The following BICD1 variants were observed in gnomAD, a reference collection of about 807,000 sequenced individuals.
BICD1 encodes protein bicaudal D homolog 1.
In BICD1, 35 loss-of-function variants were observed where a neutral mutation model predicts 92.5. The ratio of observed to expected loss-of-function variants is 0.38; its 90% confidence interval spans 0.29 to 0.50. BICD1 has a LOEUF of 0.50. Ranked by LOEUF, BICD1 falls within the 20% of genes least tolerant of loss-of-function variation. BICD1 has a pLI of 0.93. For synonymous variants in BICD1, 429 were observed against 465.1 expected, an observed-to-expected ratio of 0.92 and a Z score of 1.00; for missense variants, 950 against 1,189.8, an observed-to-expected ratio of 0.80 and a Z score of 2.97.
intron 1 of BICD1, among the ~76,000 whole-genome samples, chr12:32,202,858 G>A (rs771706308): frequency 4.6e-5 from 7 of 152,112 alleles, no homozygotes; most frequent in African/African-American, 1.4e-4. Context: ...AGATCTGCCC[G>A]CCTCAGCCTC....
At chr12:32,124,480 A>G (rs1308178301) in intron 1 of BICD1, among the ~76,000 whole-genome samples, 9 of 152,218 alleles carry the variant, frequency 5.9e-5, no homozygotes, top group Non-Finnish European at 7.3e-5. Context: ...ATAAGTGGTA[A>G]GGAAAAATGC....
rs1045099579 is a variant in BICD1 at position 32,275,899 on chromosome 12, G to A, written c.427-18095G>A. Among the ~76,000 whole-genome samples, 4 of 152,002 alleles carry A rather than the reference G, an allele frequency of 2.6e-5. No individual in the cohort carries two copies. The South Asian group carries it at 6.2e-4, about 24-fold the overall frequency. ...GACCCACAGCTTCTAATAGCTCATC[G>A]CATGGCCCAAGATTCCATTCCTTGG... On this transcript the variant is annotated intron_variant, in intron 2 of 9. Transcript: ENST00000652176.
intron 2 of BICD1, among the ~76,000 whole-genome samples, chr12:32,260,090 AATTTTTGT>A (rs55680806): frequency 0.051 from 7,780 of 151,396 alleles, 224 homozygotes; most frequent in Middle Eastern, 0.11. Context: ...ACGCCCAGCT[AATTTTTGT>A]ATTTTTAGTA....
chr12:32,251,859 T>C (rs1946529274), intron 2 of BICD1, among the ~76,000 whole-genome samples: 1 of 150,048 alleles, frequency 6.7e-6, no homozygotes, highest in South Asian at 2.1e-4. Context: ...CTTTTTAAAT[T>C]GCCTTCTCAA....
At chr12:32,183,948 G>A (rs1944354461) in intron 1 of BICD1, among the ~76,000 whole-genome samples, 1 of 152,194 alleles carries the variant, frequency 6.6e-6, no homozygotes, top group Non-Finnish European at 1.5e-5. Flanking sequence ...AGTTGCCATT[G>A]TCTAGTCCAG....
intron 2 of BICD1, among the ~76,000 whole-genome samples, chr12:32,276,994 C>T (rs756522934): frequency 6.6e-6 from 1 of 152,134 alleles, no homozygotes; most frequent in Non-Finnish European, 1.5e-5. Context: ...TGGACGTCCC[C>T]CCCTACTTTT....
intron 4 of BICD1, among the ~76,000 whole-genome samples, chr12:32,324,668 C>T (rs1221567626): frequency 1.3e-5 from 2 of 152,068 alleles, no homozygotes; most frequent in Admixed American, 6.6e-5. Context: ...CTCCATCCCC[C>T]GGGTTCAGGC....
intron 5 of BICD1, chr12:32,333,239 T>C: frequency 1.0e-6 from 1 of 985,288 alleles, no homozygotes; most frequent in Non-Finnish European, 1.2e-6. Context: ...TTTCCCCAGG[T>C]CAATTTCTGC....
At chr12:32,127,529 G>A (rs1942387724) in intron 1 of BICD1, among the ~76,000 whole-genome samples, 1 of 152,090 alleles carries the variant, frequency 6.6e-6, no homozygotes, top group Non-Finnish European at 1.5e-5. Flanking sequence ...TTGGTTTGTT[G>A]GTCTATTCTT....
At chr12:32,294,246 T>C in intron 3 of BICD1, 100 bp downstream of exon 3, 1 of 1,171,344 alleles carries the variant, frequency 8.5e-7, no homozygotes, top group Admixed American at 2.8e-5. Context: ...TGTTACTCTT[T>C]TATCTTCTCT....
intron 1 of BICD1, among the ~76,000 whole-genome samples, chr12:32,184,933 T>G (rs1278288691): frequency 6.6e-6 from 1 of 152,240 alleles, no homozygotes; most frequent in African/African-American, 2.4e-5. Flanking sequence ...GAAGGTGTTT[T>G]ATAAATCAGT....
At chr12:32,332,478 G>A (rs889228202) in intron 5 of BICD1, 6 of 977,076 alleles carry the variant, frequency 6.1e-6, no homozygotes, top group Middle Eastern at 5.3e-4. Flanking sequence ...GATGAAGTCA[G>A]TAAATGCTTA....
At chr12:32,148,240 C>G (rs951430280) in intron 1 of BICD1, among the ~76,000 whole-genome samples, 1 of 151,776 alleles carries the variant, frequency 6.6e-6, no homozygotes, top group Admixed American at 6.6e-5. Flanking sequence ...TCATTTCTGA[C>G]AGGCCTGTGT....
At chr12:32,348,745 T>A (rs1285293698) in intron 8 of BICD1, among the ~76,000 whole-genome samples, 2 of 20,124 alleles carry the variant, frequency 9.9e-5, no homozygotes, top group African/African-American at 6.2e-4. Context: ...TATATATATA[T>A]ATATATATAT....
intron 2 of BICD1, among the ~76,000 whole-genome samples, chr12:32,245,500 T>C (rs181477187): frequency 2.0e-5 from 3 of 152,264 alleles, no homozygotes; most frequent in Admixed American, 6.5e-5. Context: ...GTAATCCAAA[T>C]CATCAGCAGG....
chr12:32,242,521 T>C (rs1245185792), intron 2 of BICD1, among the ~76,000 whole-genome samples: 2 of 150,698 alleles, frequency 1.3e-5, no homozygotes, highest in Non-Finnish European at 3.0e-5. Context: ...AGCGAGACTC[T>C]GTCTTAAAAG....
intron 1 of BICD1, among the ~76,000 whole-genome samples, chr12:32,146,950 T>G (rs138237524): frequency 4.9e-4 from 74 of 151,648 alleles, no homozygotes; most frequent in African/African-American, 1.6e-3. Flanking sequence ...CTTCTTCCTT[T>G]TTCTTTTTTG....
At chr12:32,219,794 T>C (rs67794405) in intron 2 of BICD1, among the ~76,000 whole-genome samples, 20,944 of 152,224 alleles carry the variant, frequency 0.14, 1,846 homozygotes, top group South Asian at 0.28. Flanking sequence ...TTAGCCTTAT[T>C]GTATATATGT....
At position 32,166,729 on chromosome 12, in the gene BICD1, C is replaced by G. The variant is rs576417296; in HGVS notation, c.214-49518C>G. 1.1e-4 allele frequency among the ~76,000 whole-genome samples: 17 copies of G among 152,306 alleles called. No individual in the cohort carries two copies. The East Asian group carries it at 2.7e-3, about 24-fold the overall frequency. ...TGGGATTACAGACAGGCGCCTGTCT[C>G]AGTGAGATCATAGCATCAGTAATCC... is the stretch of plus-strand genomic sequence containing the variant. On this transcript the variant is annotated intron_variant, in intron 1 of 9. Transcript: ENST00000652176.
Sources: gnomAD v4.1 joint callset for allele counts (sites outside exome capture counted in the v4.1 genomes callset) on GRCh38, gnomAD v4.1.1 for gene constraint, MANE v1.5 for transcripts, NCBI Gene and HGNC (gene_info 2026-07-23, HGNC 2026-07-21) for gene names.